Variants in JAZF1 observed in about 807,000 individuals in gnomAD.
The protein encoded by JAZF1 is JAZF zinc finger 1.
A neutral mutation model predicts 26.4 loss-of-function variants in JAZF1; 8 were observed. That is an observed-to-expected ratio of 0.30 (90% CI 0.18 to 0.55). The LOEUF (loss-of-function observed/expected upper bound fraction) is 0.55, where lower values mean the gene tolerates loss of function less well. Among genes scored for constraint, JAZF1 ranks in the 20% least tolerant of loss-of-function variants. The probability of loss-of-function intolerance (pLI) is 0.94; values close to 1 mark genes in which losing one functional copy is unlikely to be tolerated. For missense variants in JAZF1, 199 were observed against 322.0 expected, an observed-to-expected ratio of 0.62 and a Z score of 2.92; for synonymous variants, 126 against 122.3, an observed-to-expected ratio of 1.03 and a Z score of -0.20.
chr7:27,901,236 T>C (rs1784156482), intron 2 of JAZF1, among the ~76,000 whole-genome samples: 1 of 152,248 alleles, frequency 6.6e-6, no homozygotes, highest in Non-Finnish European at 1.5e-5. Flanking sequence ...CTAAGTTACT[T>C]TAATTTAATA....
chr7:27,942,395 C>T (rs1337723268), intron 2 of JAZF1, among the ~76,000 whole-genome samples: 1 of 152,224 alleles, frequency 6.6e-6, no homozygotes, highest in Non-Finnish European at 1.5e-5. Flanking sequence ...ACTCTCTTCT[C>T]AAAGGGTTAC....
intron 1 of JAZF1, among the ~76,000 whole-genome samples, chr7:28,033,112 T>C (rs1006844666): frequency 3.3e-5 from 5 of 150,832 alleles, no homozygotes; most frequent in African/African-American, 4.9e-5. Flanking sequence ...AGATGGGGAG[T>C]CCATCTTTTC....
At chr7:27,919,732 G>A (rs1039422322) in intron 2 of JAZF1, among the ~76,000 whole-genome samples, 2 of 152,130 alleles carry the variant, frequency 1.3e-5, no homozygotes, top group African/African-American at 4.8e-5. Flanking sequence ...GCTCTGGAAC[G>A]CCAAGGAAGA....
At chr7:28,159,076 A>G (rs1424142469) in intron 1 of JAZF1, among the ~76,000 whole-genome samples, 2 of 152,094 alleles carry the variant, frequency 1.3e-5, no homozygotes, top group East Asian at 3.9e-4. Context: ...ACAAATACAT[A>G]AAGACAATTT....
intron 2 of JAZF1, among the ~76,000 whole-genome samples, chr7:27,937,593 C>A (rs1320309783): frequency 6.6e-6 from 1 of 152,020 alleles, no homozygotes; most frequent in Non-Finnish European, 1.5e-5. Flanking sequence ...CAAAAACACT[C>A]AAAAACCTGT....
intron 2 of JAZF1, among the ~76,000 whole-genome samples, chr7:27,912,794 G>A (rs1323571119): frequency 1.3e-5 from 2 of 152,050 alleles, no homozygotes; most frequent in East Asian, 3.9e-4. Flanking sequence ...GGAATTCTGG[G>A]AATTAAAATG....
rs138398409 is a variant in JAZF1, at chr7:28,014,513, T to C, written c.116-22532A>G. 4.2e-3 allele frequency among the ~76,000 whole-genome samples: 633 copies of C among 152,288 alleles called. 10 individuals are homozygous for C. The highest frequency in any genetic ancestry group is 0.015 in the African/African-American group (605 of 41,550). On this transcript the variant is annotated intron_variant, in intron 1 of 4. Transcript: ENST00000283928. Reference sequence around the variant, plus strand: ...AGTGAATAAGTCTCAAAAGATCTGATAGTTTTAAAAAGGGGAGTTTCCCTG... The same window carrying C: ...AGTGAATAAGTCTCAAAAGATCTGACAGTTTTAAAAAGGGGAGTTTCCCTG...
At chr7:28,012,046 G>GA (rs869229609) in intron 1 of JAZF1, among the ~76,000 whole-genome samples, 2 of 152,104 alleles carry the variant, frequency 1.3e-5, no homozygotes, top group African/African-American at 4.8e-5. Context: ...ACAGTCCAGG[G>GA]AAAAAATTTT....
At position 27,979,443 on chromosome 7, in the gene JAZF1, C is replaced by T. The variant is rs988371223; in HGVS notation, c.188+12466G>A. 4.9e-5 allele frequency among the ~76,000 whole-genome samples: 6 copies of T among 122,754 alleles called. No homozygotes were observed. The Admixed American group carries it at 6.6e-4, about 13-fold the overall frequency. The allele number at this position is 122,754 out of a possible 152,430, so 80.5% of individuals were successfully genotyped here. On this transcript the variant is annotated intron_variant, in intron 2 of 4. Transcript: ENST00000283928. ...TTGTTCTATCACCCAGGCTGGAGTG[C>T]AGTGGCCCCATCATAGCTAACTGTA...
chr7:28,119,251 C>T (rs182181186), intron 1 of JAZF1, among the ~76,000 whole-genome samples: 180 of 152,270 alleles, frequency 1.2e-3, no homozygotes, highest in African/African-American at 4.2e-3. Context: ...AACCTTTTTT[C>T]GGCTTGCAAG....
chr7:27,983,293 G>C (rs541224159), intron 2 of JAZF1, among the ~76,000 whole-genome samples: 1 of 152,302 alleles, frequency 6.6e-6, no homozygotes, highest in South Asian at 2.1e-4. Context: ...CGAGAACTAC[G>C]TGATGAATGC....
chr7:28,070,022 T>G lies in JAZF1; in HGVS notation c.116-78041A>C, dbSNP rs1236772663. Among the ~76,000 whole-genome samples, 6 of 152,148 alleles carry G rather than the reference T, an allele frequency of 3.9e-5. No individual in the cohort carries two copies. The East Asian group carries it at 7.7e-4, about 20-fold the overall frequency. On this transcript the variant is annotated intron_variant, in intron 1 of 4. Transcript: ENST00000283928. ...CTTTCTCTCCCTGCTCACGGCACAC[T>G]GCACTTTGTAAAACGTCTTCAGATG...
intron 1 of JAZF1, among the ~76,000 whole-genome samples, chr7:28,036,106 T>A (rs1331884347): frequency 6.6e-6 from 1 of 152,224 alleles, no homozygotes; most frequent in African/African-American, 2.4e-5. Context: ...ATTATAATCA[T>A]TTCTTTGTCT....
intron 1 of JAZF1, among the ~76,000 whole-genome samples, chr7:28,046,723 C>G (rs1388313545): frequency 6.6e-6 from 1 of 151,986 alleles, no homozygotes; most frequent in Non-Finnish European, 1.5e-5. Flanking sequence ...ATTTGTTTTC[C>G]CTGATTGTAA....
At chr7:27,982,914 G>A (rs909339182) in intron 2 of JAZF1, among the ~76,000 whole-genome samples, 1 of 152,084 alleles carries the variant, frequency 6.6e-6, no homozygotes, top group African/African-American at 2.4e-5. Flanking sequence ...AAACAGAAAG[G>A]ACATCCACAC....
rs1422978493 is a variant in JAZF1, at chr7:27,895,360, G to A, written c.245C>T (p.Pro82Leu). 3.1e-6 allele frequency: 5 copies of A among 1,608,752 alleles called. No homozygotes were observed. The highest frequency in any genetic ancestry group is 2.7e-5 in the African/African-American group (2 of 74,630). The change falls in exon 3 of 5, where the codon CCG becomes CTG. Residue 82 changes from proline to leucine, a missense_variant. By Grantham distance (98) the Pro-to-Leu change is moderately conservative (BLOSUM62 -3). Transcript: ENST00000283928. ...EQESLKKKIQ[P>L]KLSLTLSSSV... ...GCTGGACAGAGTCAGCGAGAGCTTC[G>A]GCTGAATCTTCTTCTTTAGGGACTC...
intron 2 of JAZF1, among the ~76,000 whole-genome samples, chr7:27,960,821 C>G (rs181178248): frequency 6.6e-6 from 1 of 152,062 alleles, no homozygotes; most frequent in Non-Finnish European, 1.5e-5. Flanking sequence ...CAGGAAGGTA[C>G]GCAGACAAGG....
chr7:28,146,519 C>G (rs1783030437), intron 1 of JAZF1, among the ~76,000 whole-genome samples: 1 of 152,172 alleles, frequency 6.6e-6, no homozygotes, highest in African/African-American at 2.4e-5. Flanking sequence ...GGTGCTAATT[C>G]TATGCCTTCT....
chr7:27,993,309 T>TGA (rs1489877548), intron 1 of JAZF1, among the ~76,000 whole-genome samples: 3 of 152,144 alleles, frequency 2.0e-5, no homozygotes, highest in Non-Finnish European at 2.9e-5. Context: ...GCACTGCAAA[T>TGA]GAGAACAGAT....
Sources: allele counts gnomAD v4.1 joint callset (sites outside exome capture counted in the v4.1 genomes callset), GRCh38; gene constraint gnomAD v4.1.1; transcripts MANE v1.5; gene names NCBI Gene and HGNC (gene_info 2026-07-23, HGNC 2026-07-21).